Variants in TEAD4 observed in about 807,000 individuals in gnomAD.
The protein encoded by TEAD4 is TEA domain transcription factor 4.
Under a neutral mutation model 52.4 loss-of-function variants are expected in TEAD4, and 36 were observed. The ratio of observed to expected loss-of-function variants is 0.69; its 90% CI spans 0.53 to 0.91. The LOEUF is 0.91. TEAD4 is among the 40% of genes least tolerant of loss of function. The probability of loss-of-function intolerance (pLI) is 0.00; values close to 1 mark genes in which losing one functional copy is unlikely to be tolerated. For synonymous variants in TEAD4, 220 were observed against 231.0 expected (o/e 0.95, Z 0.43); for missense variants, 508 against 583.9 (o/e 0.87, Z 1.34).
At chr12:2,997,438 A>T (rs1306664288) in intron 3 of TEAD4, among the ~76,000 whole-genome samples, 1 of 152,150 alleles carries the variant, frequency 6.6e-6, no homozygotes, top group Non-Finnish European at 1.5e-5. Flanking sequence ...GGTTGTTGCC[A>T]TTTAGCCAGG....
Position 2,995,004 on chromosome 12 carries a change from G to T in TEAD4, c.226+12G>T, listed in dbSNP as rs772335541. ...GGGCAAGATGTATGGTAAGGAGCCCGTCGGGTTCAGCCCTGTACCTGAGGC... is the reference window on the plus strand; with the variant it reads ...GGGCAAGATGTATGGTAAGGAGCCCTTCGGGTTCAGCCCTGTACCTGAGGC... On this transcript the variant is annotated intron_variant, in intron 3 of 12. Transcript: ENST00000359864. 2 of 1,611,280 alleles carry T rather than the reference G, an allele frequency of 1.2e-6. No homozygotes were observed. Among genetic ancestry groups the T allele is most frequent in the African/African-American group, 1.3e-5 (1 of 74,942 alleles).
chr12:3,012,302 G>T, intron 5 of TEAD4, 70 bp downstream of exon 5: 1 of 1,538,562 alleles, frequency 6.5e-7, no homozygotes, highest in Non-Finnish European at 8.9e-7. Context: ...TCCCTTTGGG[G>T]TCAGGGCATC....
At position 3,021,921 on chromosome 12, in the gene TEAD4, C is replaced by T; in HGVS notation, c.801C>T (p.Ile267=). 1 of 1,614,244 alleles carries T rather than the reference C, an allele frequency of 6.2e-7. No homozygotes were observed. The highest frequency in any genetic ancestry group is 1.1e-5 in the South Asian group (1 of 91,092). The change falls in exon 10 of 13, where the codon ATC becomes ATT. Residue 267 remains isoleucine (I), a synonymous_variant. Transcript: ENST00000359864. Reference sequence around the variant, plus strand: ...ACCCCTACCTCGAAGCCGTGGACATCCGCCAAATCTATGACAAATTCCCGG... The same window carrying T: ...ACCCCTACCTCGAAGCCGTGGACATTCGCCAAATCTATGACAAATTCCCGG...
intron 2 of TEAD4, among the ~76,000 whole-genome samples, chr12:2,963,209 A>G (rs573127861): frequency 2.6e-5 from 4 of 152,082 alleles, no homozygotes; most frequent in Admixed American, 6.5e-5. Flanking sequence ...AAATGTCACA[A>G]CCTCCTTTGA....
chr12:2,991,494 T>C (rs552573050), intron 2 of TEAD4, among the ~76,000 whole-genome samples: 1 of 152,234 alleles, frequency 6.6e-6, no homozygotes, highest in South Asian at 2.1e-4. Context: ...AAACCCCGTC[T>C]CTACTAAAAA....
At chr12:3,018,504 C>T in intron 6 of TEAD4, 41 bp from the exon 7 acceptor site, 2 of 1,613,628 alleles carry the variant, frequency 1.2e-6, no homozygotes, top group African/African-American at 2.7e-5. Flanking sequence ...GCCCCGGGTG[C>T]ACCTGGGGCC....
intron 10 of TEAD4, among the ~76,000 whole-genome samples, chr12:3,033,335 A>G (rs2098277040): frequency 6.6e-6 from 1 of 152,206 alleles, no homozygotes; most frequent in Non-Finnish European, 1.5e-5. Flanking sequence ...CCTCAGCCCT[A>G]TCTGCTGAGC....
intron 2 of TEAD4, among the ~76,000 whole-genome samples, chr12:2,992,612 A>G (rs1361920044): frequency 6.6e-6 from 1 of 152,142 alleles, no homozygotes; most frequent in African/African-American, 2.4e-5. Flanking sequence ...GGTCGAACTC[A>G]GGGGTTTAGA....
intron 3 of TEAD4, among the ~76,000 whole-genome samples, chr12:3,004,880 G>C (rs1445600123): frequency 6.6e-6 from 1 of 152,186 alleles, no homozygotes; most frequent in African/African-American, 2.4e-5. Flanking sequence ...CCTGGTGGCA[G>C]GAAGGAAGCT....
chr12:2,960,546 G>A (rs1303750015), intron 2 of TEAD4, among the ~76,000 whole-genome samples: 1 of 152,118 alleles, frequency 6.6e-6, no homozygotes, highest in Non-Finnish European at 1.5e-5. Context: ...GAGGCCCCGC[G>A]GACTGACTGC....
At chr12:3,007,576 T>C (rs890310787) in intron 3 of TEAD4, among the ~76,000 whole-genome samples, 2 of 152,190 alleles carry the variant, frequency 1.3e-5, no homozygotes, top group Admixed American at 6.5e-5. Context: ...TAAACTTAAT[T>C]TTTGCTTCAT....
chr12:3,022,713 G>A (rs2098269579), intron 10 of TEAD4, among the ~76,000 whole-genome samples: 1 of 152,188 alleles, frequency 6.6e-6, no homozygotes. Flanking sequence ...CCCAGTGTGT[G>A]CAGAAAAGGG....
At chr12:2,968,188 G>A (rs1014034347) in intron 2 of TEAD4, among the ~76,000 whole-genome samples, 1 of 146,544 alleles carries the variant, frequency 6.8e-6, no homozygotes, top group East Asian at 2.1e-4. Context: ...CCGGGTTCAA[G>A]CGATTCTCCT....
At chr12:3,024,086 CT>C (rs926687708) in intron 10 of TEAD4, among the ~76,000 whole-genome samples, 35 of 146,774 alleles carry the variant, frequency 2.4e-4, no homozygotes, top group Admixed American at 4.1e-4. Flanking sequence ...AAAATGTTCA[CT>C]TTTTTTTTTT....
At chr12:3,011,374 T>A (rs2098260199) in intron 4 of TEAD4, among the ~76,000 whole-genome samples, 3 of 151,568 alleles carry the variant, frequency 2.0e-5, no homozygotes, top group Admixed American at 6.6e-5. Context: ...GGGGTTATAG[T>A]CACCCGCCAC....
Position 3,040,145 on chromosome 12 carries a change from C to G in TEAD4, c.1077C>G (p.Tyr359Ter), listed in dbSNP as rs1419356207. Residue 359 changes from tyrosine to a stop codon, truncating the protein, a stop_gained, in exon 12 of 13, where the codon TAC (tyrosine) becomes TAG (stop). Transcript: ENST00000359864. LOFTEE classifies it high-confidence loss of function. Reference sequence around the variant, plus strand: ...GCTATGAGAATGGACACTACTCTTACCGCATCCACCGGTCCCCGCTCTGTG... The same window carrying G: ...GCTATGAGAATGGACACTACTCTTAGCGCATCCACCGGTCCCCGCTCTGTG... 1 of 1,614,210 alleles carries G rather than the reference C, an allele frequency of 6.2e-7. No individual in the cohort carries two copies. The highest frequency in any genetic ancestry group is 8.5e-7 in the Non-Finnish European group (1 of 1,180,038).
chr12:3,017,844 G>A (rs753745112), intron 6 of TEAD4, among the ~76,000 whole-genome samples: 1 of 152,168 alleles, frequency 6.6e-6, no homozygotes, highest in Non-Finnish European at 1.5e-5. Context: ...GAAGCCAAGG[G>A]GGCTGAGCGG....
In TEAD4 at chr12:3,001,825, T is replaced by C. The variant is rs1297094192; in HGVS notation, c.226+6833T>C. Among the ~76,000 whole-genome samples the C allele has an allele frequency of 1.1e-4, 17 of 149,852 alleles. 1 individual carries two copies. The highest frequency in any genetic ancestry group is 1.1e-3 in the Admixed American group (17 of 15,034). ...GGCCAGGCGTGATGGCTCATGTGGCTTATGCCTGTAATCCTAGCACTTTGG... is the reference window on the plus strand; with the variant it reads ...GGCCAGGCGTGATGGCTCATGTGGCCTATGCCTGTAATCCTAGCACTTTGG... On this transcript the variant is annotated intron_variant, in intron 3 of 12. Transcript: ENST00000359864.
At chr12:3,008,051 T>C (rs1255754482) in intron 3 of TEAD4, among the ~76,000 whole-genome samples, 1 of 152,156 alleles carries the variant, frequency 6.6e-6, no homozygotes, top group African/African-American at 2.4e-5. Context: ...TATAAATAAG[T>C]GAATAAATAG....
Sources: gnomAD v4.1 joint callset for allele counts (sites outside exome capture counted in the v4.1 genomes callset) on GRCh38, gnomAD v4.1.1 for gene constraint, MANE v1.5 for transcripts, NCBI Gene and HGNC (gene_info 2026-07-23, HGNC 2026-07-21) for gene names.